MYH9: variants seen among roughly 807,000 people sequenced by gnomAD.
The protein encoded by MYH9 is myosin-9.
Under a neutral mutation model 241.9 loss-of-function variants are expected in MYH9, and 29 were observed. That is an observed-to-expected ratio of 0.12 (90% confidence interval 0.09 to 0.16). The LOEUF (loss-of-function observed/expected upper bound fraction) is 0.16. Among genes scored for constraint, MYH9 ranks in the 10% least tolerant of loss-of-function variants. The pLI is 1.00. For synonymous variants in MYH9, 1,047 were observed against 1,062.6 expected (o/e 0.99, Z 0.29); for missense variants, 1,803 against 2,595.5 (o/e 0.69, Z 6.63).
intron 2 of MYH9, among the ~76,000 whole-genome samples, chr22:36,341,979 T>C (rs1272750428): frequency 6.6e-6 from 1 of 152,220 alleles, no homozygotes; most frequent in African/African-American, 2.4e-5. Context: ...TGAGAGATAG[T>C]GAAGCTTACA....
At chr22:36,324,834 C>T (rs2017310116) in intron 5 of MYH9, among the ~76,000 whole-genome samples, 1 of 152,242 alleles carries the variant, frequency 6.6e-6, no homozygotes, top group South Asian at 2.1e-4. Context: ...TGCGTTTTGA[C>T]AACGTGGCTC....
intron 1 of MYH9, among the ~76,000 whole-genome samples, chr22:36,366,751 G>T (rs2018016917): frequency 6.6e-6 from 1 of 152,122 alleles, no homozygotes; most frequent in Non-Finnish European, 1.5e-5. Context: ...ATACCCAGAA[G>T]TGACGGTGTT....
intron 1 of MYH9, among the ~76,000 whole-genome samples, chr22:36,366,007 G>A (rs2018004753): frequency 1.3e-5 from 2 of 151,922 alleles, no homozygotes; most frequent in Non-Finnish European, 2.9e-5. Flanking sequence ...GGCCAACATG[G>A]CAAAACCCCG....
rs2016505927 is a variant in MYH9 at position 36,282,422 on chromosome 22, C to T, written c.*246G>A. The T allele has an allele frequency of 1.6e-6, 1 of 621,474 alleles. No homozygotes were observed. Among genetic ancestry groups the T allele is most frequent in the Non-Finnish European group, 2.9e-6 (1 of 345,720 alleles). The allele number at this position is 621,474 out of a possible 1,614,324, so 38.5% of individuals were successfully genotyped here. A position where few individuals can be genotyped will look rare whatever the true frequency, so the allele number is the denominator to read the frequency against. ...GCCTGCTGGTCGCTCTCTGCCTGGG[C>T]CCGGGCCCTGTCTCTTTGGTATCAG... On this transcript the variant is annotated 3_prime_UTR_variant, in exon 41 of 41. Transcript: ENST00000216181.
intron 3 of MYH9, among the ~76,000 whole-genome samples, chr22:36,336,034 GAACCA>G (rs2017492068): frequency 6.6e-6 from 1 of 152,204 alleles, no homozygotes; most frequent in Admixed American, 6.5e-5. Flanking sequence ...CTTCCCTTGG[GAACCA>G]GGGATCGGGT....
chr22:36,348,868 A>G, intron 2 of MYH9, 36 bp downstream of exon 2: 1 of 1,126,298 alleles, frequency 8.9e-7, no homozygotes, highest in Non-Finnish European at 1.2e-6. Flanking sequence ...CGGAGCCCTC[A>G]GACCCAGCCT....
chr22:36,325,242 C>T (rs191933203), intron 5 of MYH9: 34 of 642,996 alleles, frequency 5.3e-5, no homozygotes, highest in African/African-American at 5.0e-4. Flanking sequence ...CCTGACGCCC[C>T]ATGGAAAAAG....
intron 2 of MYH9, among the ~76,000 whole-genome samples, chr22:36,348,528 A>G (rs1426089177): frequency 6.6e-6 from 1 of 150,858 alleles, no homozygotes; most frequent in African/African-American, 2.4e-5. Context: ...AAAAAATTAA[A>G]TTAAATTAAA....
chr22:36,337,019 C>T (rs2146380084), intron 3 of MYH9, among the ~76,000 whole-genome samples: 1 of 152,276 alleles, frequency 6.6e-6, no homozygotes, highest in Non-Finnish European at 1.5e-5. Flanking sequence ...ACTAATCCAT[C>T]TCAGAATTCC....
chr22:36,378,216 G>C (rs1260979902), intron 1 of MYH9, among the ~76,000 whole-genome samples: 1 of 152,110 alleles, frequency 6.6e-6, no homozygotes. Flanking sequence ...CGAGGCTGTA[G>C]TGAGTTGCTA....
intron 3 of MYH9, among the ~76,000 whole-genome samples, chr22:36,339,801 A>G (rs1274921322): frequency 6.6e-6 from 1 of 152,220 alleles, no homozygotes; most frequent in Non-Finnish European, 1.5e-5. Flanking sequence ...ATTGGGTTTG[A>G]GTCAGGATTA....
intron 1 of MYH9, among the ~76,000 whole-genome samples, chr22:36,373,907 C>G (rs1341319765): frequency 6.6e-6 from 1 of 152,186 alleles, no homozygotes; most frequent in African/African-American, 2.4e-5. Flanking sequence ...AGAACACACA[C>G]AGTCTCCATT....
intron 5 of MYH9, among the ~76,000 whole-genome samples, chr22:36,323,524 T>C (rs1457407689): frequency 2.0e-5 from 3 of 152,026 alleles, no homozygotes; most frequent in South Asian, 4.1e-4. Flanking sequence ...AAGCCAGGGT[T>C]TTCCGGGAAC....
chr22:36,325,027 T>C, intron 5 of MYH9: 1 of 749,876 alleles, frequency 1.3e-6, no homozygotes, highest in Non-Finnish European at 2.5e-6. Context: ...AGGCAGTCAA[T>C]AAATACTTGG....
At chr22:36,351,354 C>T (rs996533060) in intron 1 of MYH9, among the ~76,000 whole-genome samples, 1 of 152,190 alleles carries the variant, frequency 6.6e-6, no homozygotes, top group Non-Finnish European at 1.5e-5. Context: ...AAGGACCACC[C>T]TGAGAGCAGG....
At position 36,341,615 on chromosome 22, in the gene MYH9, A is replaced by G; in HGVS notation, c.334-89T>C. 4 of 1,480,306 alleles carry G rather than the reference A, an allele frequency of 2.7e-6. No individual in the cohort carries two copies. In the East Asian group the frequency reaches 7.1e-5, roughly 26 times the overall value. The allele number at this position is 1,480,306 out of a possible 1,614,324, so 91.7% of individuals were successfully genotyped here. A position where few individuals can be genotyped will look rare whatever the true frequency, so the allele number is the denominator to read the frequency against. On this transcript the variant is annotated intron_variant, in intron 2 of 40. Transcript: ENST00000216181. ...TTGTAGCAAAATATCTGCGGCTTCA[A>G]AGGACCCCTGAGTCAGCCTGATGTG...
chr22:36,308,522 C>T (rs1200156138), intron 15 of MYH9, among the ~76,000 whole-genome samples: 1 of 152,058 alleles, frequency 6.6e-6, no homozygotes, highest in Non-Finnish European at 1.5e-5. Flanking sequence ...AATCCTCCCG[C>T]CTCAGCCTCC....
chr22:36,374,720 G>T (rs2018140091), intron 1 of MYH9, among the ~76,000 whole-genome samples: 1 of 152,154 alleles, frequency 6.6e-6, no homozygotes, highest in Non-Finnish European at 1.5e-5. Flanking sequence ...ACATTTCCTG[G>T]GAAATGGGGC....
rs774029691 is a variant in MYH9 at position 36,301,068 on chromosome 22, C to A, written c.2632-11G>T. On this transcript the variant is annotated splice_polypyrimidine_tract_variant and intron_variant, in intron 21 of 40. Transcript: ENST00000216181. Reference sequence around the variant, plus strand: ...TTTCTCTGCCATGAGCTGCAAACAACAAGTGGAAAACACAAGCTCCTCGCA... The same window carrying A: ...TTTCTCTGCCATGAGCTGCAAACAAAAAGTGGAAAACACAAGCTCCTCGCA... 6.2e-7 allele frequency: 1 copy of A among 1,607,632 alleles called. No homozygotes were observed. Among genetic ancestry groups the A allele is most frequent in the South Asian group, 1.1e-5 (1 of 91,084 alleles).
Sources: allele counts gnomAD v4.1 joint callset (sites outside exome capture counted in the v4.1 genomes callset), GRCh38; gene constraint gnomAD v4.1.1; transcripts MANE v1.5; gene names NCBI Gene and HGNC (gene_info 2026-07-23, HGNC 2026-07-21).